Variants in FER observed in about 807,000 individuals in gnomAD.
FER encodes tyrosine-protein kinase Fer.
Under a neutral mutation model 111.0 loss-of-function variants are expected in FER, and 63 were observed. That is an observed-to-expected ratio of 0.57 (90% CI 0.46 to 0.70). The LOEUF (loss-of-function observed/expected upper bound fraction) is 0.70. FER is among the 30% of genes least tolerant of loss of function. The pLI is 0.00. For missense variants in FER, 914 were observed against 954.0 expected, an observed-to-expected ratio of 0.96 and a Z score of 0.55; for synonymous variants, 327 against 313.9, an observed-to-expected ratio of 1.04 and a Z score of -0.44.
chr5:108,853,298 C>T (rs2150192680), intron 5 of FER, among the ~76,000 whole-genome samples: 1 of 152,210 alleles, frequency 6.6e-6, no homozygotes, highest in African/African-American at 2.4e-5. Flanking sequence ...TTAGTCACTG[C>T]TCTCTTAATT....
chr5:109,171,929 G>A (rs868332956), intron 17 of FER, among the ~76,000 whole-genome samples: 1 of 152,008 alleles, frequency 6.6e-6, no homozygotes, highest in Admixed American at 6.6e-5. Context: ...CAAAACCACA[G>A]TGAGATACCA....
rs1759719947 is a variant in FER, at chr5:109,196,001, C to A, written c.*8426C>A. 6.6e-6 allele frequency: 1 copy of A among 152,066 alleles called. No individual in the cohort carries two copies. The highest frequency in any genetic ancestry group is 2.4e-5 in the African/African-American group (1 of 41,380). The allele number at this position is 152,066 out of a possible 1,614,324, so 9.4% of individuals were successfully genotyped here. On this transcript the variant is annotated 3_prime_UTR_variant, in exon 20 of 20. Coordinates refer to ENST00000281092, the MANE Select transcript of FER (RefSeq NM_005246.4). ...TGGCAAGTGCCCTAAAAGACTGGAACACTGTATAAAGTCATAGACATAGAA... is the reference window on the plus strand; with the variant it reads ...TGGCAAGTGCCCTAAAAGACTGGAAAACTGTATAAAGTCATAGACATAGAA...
At chr5:109,127,196 A>T (rs1174804717) in intron 17 of FER, among the ~76,000 whole-genome samples, 1 of 152,196 alleles carries the variant, frequency 6.6e-6, no homozygotes, top group Non-Finnish European at 1.5e-5. Context: ...GCTTTGTCAT[A>T]TATCTGTATT....
intron 13 of FER, among the ~76,000 whole-genome samples, chr5:108,997,441 TG>T (rs1309191122): frequency 1.3e-5 from 2 of 151,060 alleles, no homozygotes; most frequent in Non-Finnish European, 3.0e-5. Flanking sequence ...AAAGAGATTT[TG>T]GGCTGAGACG....
At chr5:108,880,647 A>G (rs1765585028) in intron 8 of FER, among the ~76,000 whole-genome samples, 1 of 152,042 alleles carries the variant, frequency 6.6e-6, no homozygotes, top group African/African-American at 2.4e-5. Flanking sequence ...ATGCAAGCCA[A>G]TTCTCTCAAT....
chr5:109,126,752 C>A (rs1161598138), intron 17 of FER, among the ~76,000 whole-genome samples: 2 of 151,972 alleles, frequency 1.3e-5, no homozygotes. Context: ...GCAAGAGAGG[C>A]AGATAAAAAG....
chr5:108,891,823 C>T (rs953285980), intron 9 of FER, among the ~76,000 whole-genome samples: 20 of 152,024 alleles, frequency 1.3e-4, no homozygotes, highest in East Asian at 3.9e-4. Context: ...CCTTCCCCCA[C>T]GCAACAACAG....
At chr5:109,049,029 C>G (rs1178063931) in intron 16 of FER, among the ~76,000 whole-genome samples, 1 of 152,060 alleles carries the variant, frequency 6.6e-6, no homozygotes, top group Non-Finnish European at 1.5e-5. Flanking sequence ...AAACAGTGTT[C>G]AATGAATATC....
intron 13 of FER, among the ~76,000 whole-genome samples, chr5:109,005,523 G>A (rs542117958): frequency 6.6e-6 from 1 of 152,090 alleles, no homozygotes; most frequent in Admixed American, 6.6e-5. Context: ...AGATTCCAAC[G>A]TTTGTGCATA....
intron 16 of FER, among the ~76,000 whole-genome samples, chr5:109,051,104 C>T (rs1772733307): frequency 6.6e-6 from 1 of 152,114 alleles, no homozygotes; most frequent in African/African-American, 2.4e-5. Flanking sequence ...CCAATATGCA[C>T]CTCTCTTATC....
At chr5:108,923,379 G>C (rs1243036784) in intron 10 of FER, among the ~76,000 whole-genome samples, 1 of 152,050 alleles carries the variant, frequency 6.6e-6, no homozygotes, top group Non-Finnish European at 1.5e-5. Context: ...ATTATAAAGG[G>C]AGCCAAAGAC....
intron 2 of FER, among the ~76,000 whole-genome samples, chr5:108,770,351 AC>A (rs1561391810): frequency 6.6e-6 from 1 of 152,228 alleles, no homozygotes; most frequent in Non-Finnish European, 1.5e-5. Context: ...TTTTAAGTCT[AC>A]TATCCCTTGT....
At chr5:109,097,644 A>G (rs867626490) in intron 16 of FER, among the ~76,000 whole-genome samples, 3 of 151,912 alleles carry the variant, frequency 2.0e-5, no homozygotes, top group East Asian at 3.9e-4. Context: ...ACTAAAGACT[A>G]TGTCATCTGA....
At chr5:108,850,066 G>C (rs1420311272) in intron 5 of FER, among the ~76,000 whole-genome samples, 1 of 151,822 alleles carries the variant, frequency 6.6e-6, no homozygotes, top group Admixed American at 6.6e-5. Flanking sequence ...ATGGTGGTGC[G>C]CGCCTGTAGT....
At chr5:109,179,461 C>T (rs1038706929) in intron 17 of FER, among the ~76,000 whole-genome samples, 3 of 152,040 alleles carry the variant, frequency 2.0e-5, no homozygotes, top group African/African-American at 7.2e-5. Context: ...CAAGTTTTTC[C>T]CTCCTATGTT....
chr5:108,764,616 T>C (rs769301195), intron 1 of FER, among the ~76,000 whole-genome samples: 4 of 152,086 alleles, frequency 2.6e-5, no homozygotes, highest in Non-Finnish European at 4.4e-5. Context: ...AGGCTGATCT[T>C]GAACTCCTGA....
At chr5:108,856,863 A>C (rs796775735) in intron 5 of FER, among the ~76,000 whole-genome samples, 29 of 152,180 alleles carry the variant, frequency 1.9e-4, no homozygotes, top group African/African-American at 6.7e-4. Flanking sequence ...TTCTTTTCTG[A>C]ACTAGGAAAT....
At chr5:109,078,466 T>A (rs1418492583) in intron 16 of FER, among the ~76,000 whole-genome samples, 1 of 152,200 alleles carries the variant, frequency 6.6e-6, no homozygotes, top group Non-Finnish European at 1.5e-5. Flanking sequence ...CAGTTTCTTT[T>A]TCTTTCTCAG....
At chr5:108,995,429 C>A (rs954170871) in intron 13 of FER, among the ~76,000 whole-genome samples, 2 of 151,948 alleles carry the variant, frequency 1.3e-5, no homozygotes, top group Admixed American at 6.6e-5. Context: ...CCCCCACCCC[C>A]CAACAGGCCC....
Sources: gnomAD v4.1 joint callset for allele counts (sites outside exome capture counted in the v4.1 genomes callset) on GRCh38, gnomAD v4.1.1 for gene constraint, MANE v1.5 for transcripts, NCBI Gene and HGNC (gene_info 2026-07-23, HGNC 2026-07-21) for gene names.